The following SIPA1L2 variants were observed in gnomAD, a reference collection of about 807,000 sequenced individuals.
SIPA1L2 encodes signal-induced proliferation-associated 1-like protein 2.
SIPA1L2 carries 56 observed loss-of-function variants against 163.9 expected under a neutral mutation model. The ratio of observed to expected loss-of-function variants is 0.34; its 90% CI spans 0.28 to 0.43. The LOEUF is 0.43. Ranked by LOEUF, SIPA1L2 falls within the 20% of genes least tolerant of loss-of-function variation. The probability of loss-of-function intolerance (pLI) is 1.00; values close to 1 mark genes in which losing one functional copy is unlikely to be tolerated. For synonymous variants in SIPA1L2, 877 were observed against 865.7 expected, an observed-to-expected ratio of 1.01 and a Z score of -0.23; for missense variants, 1,974 against 2,193.5, an observed-to-expected ratio of 0.90 and a Z score of 2.00.
At chr1:232,524,824 A>G (rs2103068170) in intron 2 of SIPA1L2, among the ~76,000 whole-genome samples, 1 of 152,282 alleles carries the variant, frequency 6.6e-6, no homozygotes, top group Admixed American at 6.5e-5. Context: ...CCCCCATATT[A>G]TGATAGTGGT....
At chr1:232,549,627 A>G (rs190341588) in intron 2 of SIPA1L2, among the ~76,000 whole-genome samples, 40 of 152,310 alleles carry the variant, frequency 2.6e-4, no homozygotes, top group African/African-American at 8.2e-4. Flanking sequence ...ATGATTGTAA[A>G]TAAGTGAGGC....
At chr1:232,495,724 T>A (rs1018862958) in intron 3 of SIPA1L2, among the ~76,000 whole-genome samples, 1 of 152,140 alleles carries the variant, frequency 6.6e-6, no homozygotes, top group Admixed American at 6.5e-5. Context: ...CCAATGGTGG[T>A]CCCATGAGAT....
chr1:232,524,536 C>T (rs1368113063), intron 2 of SIPA1L2, among the ~76,000 whole-genome samples: 1 of 151,944 alleles, frequency 6.6e-6, no homozygotes, highest in African/African-American at 2.4e-5. Context: ...AAATAAGAGA[C>T]TTATAATAAG....
At chr1:232,441,531 G>T in intron 13 of SIPA1L2, 137 bp from the exon 14 acceptor site, 1 of 826,570 alleles carries the variant, frequency 1.2e-6, no homozygotes, top group Non-Finnish European at 2.0e-6. Flanking sequence ...CTTACCAATG[G>T]ATATGTCACA....
chr1:232,486,639 G>A (rs1449646962), intron 5 of SIPA1L2, among the ~76,000 whole-genome samples: 1 of 152,200 alleles, frequency 6.6e-6, no homozygotes, highest in Admixed American at 6.5e-5. Context: ...AAACTTAGGA[G>A]ACAGAAATCT....
intron 22 of SIPA1L2, among the ~76,000 whole-genome samples, chr1:232,400,208 A>C (rs1660254263): frequency 1.3e-5 from 2 of 152,070 alleles, no homozygotes; most frequent in Non-Finnish European, 2.9e-5. Flanking sequence ...ACTTCACTCT[A>C]AGAAGCAGCT....
chr1:232,596,033 T>C (rs1661240256), intron 1 of SIPA1L2, among the ~76,000 whole-genome samples: 2 of 152,202 alleles, frequency 1.3e-5, no homozygotes, highest in Admixed American at 1.3e-4. Flanking sequence ...TTCAGCCTCA[T>C]GAATGATGCC....
chr1:232,570,980 A>G (rs1659694760), intron 2 of SIPA1L2, among the ~76,000 whole-genome samples: 2 of 150,404 alleles, frequency 1.3e-5, no homozygotes, highest in African/African-American at 2.4e-5. Context: ...AAACTTAGGG[A>G]GAGACTGAGA....
chr1:232,405,760 G>A (rs746969257), intron 19 of SIPA1L2, among the ~76,000 whole-genome samples: 1 of 152,166 alleles, frequency 6.6e-6, no homozygotes, highest in Non-Finnish European at 1.5e-5. Flanking sequence ...ACTCATCCTT[G>A]TTTTATGCAA....
intron 16 of SIPA1L2, among the ~76,000 whole-genome samples, chr1:232,430,898 C>T (rs1395739475): frequency 6.6e-6 from 1 of 152,158 alleles, no homozygotes; most frequent in Non-Finnish European, 1.5e-5. Context: ...AGCGGAGACA[C>T]AATCTCAGTC....
intron 18 of SIPA1L2, among the ~76,000 whole-genome samples, chr1:232,420,691 C>G (rs1055588034): frequency 1.3e-5 from 2 of 151,866 alleles, no homozygotes; most frequent in Non-Finnish European, 2.9e-5. Flanking sequence ...AAAAATTAGC[C>G]AGGTGCGGTG....
chr1:232,600,072 G>A (rs1661513389), intron 1 of SIPA1L2, among the ~76,000 whole-genome samples: 2 of 152,216 alleles, frequency 1.3e-5, no homozygotes, highest in Admixed American at 1.3e-4. Context: ...TTTCTGGAGT[G>A]GCACCCTTGG....
At chr1:232,584,802 A>G (rs1660568940) in intron 1 of SIPA1L2, among the ~76,000 whole-genome samples, 1 of 152,242 alleles carries the variant, frequency 6.6e-6, no homozygotes, top group Non-Finnish European at 1.5e-5. Context: ...TAGGTCAACC[A>G]GACAGAAGAA....
At chr1:232,421,457 C>G (rs1043144466) in intron 18 of SIPA1L2, among the ~76,000 whole-genome samples, 4 of 152,114 alleles carry the variant, frequency 2.6e-5, no homozygotes, top group Non-Finnish European at 5.9e-5. Context: ...TCCTGGTGGT[C>G]AGATATCTGA....
chr1:232,411,545 T>A (rs960436828), intron 19 of SIPA1L2, among the ~76,000 whole-genome samples: 7 of 152,216 alleles, frequency 4.6e-5, no homozygotes, highest in African/African-American at 1.7e-4. Context: ...AAACTCAGGT[T>A]GTTAGTTTTA....
chr1:232,567,152 A>G (rs1237743344), intron 2 of SIPA1L2, among the ~76,000 whole-genome samples: 1 of 152,216 alleles, frequency 6.6e-6, no homozygotes, highest in Admixed American at 6.5e-5. Context: ...TAGGCAAATC[A>G]CAAAGCCTCC....
chr1:232,435,286 T>TA (rs2102843580), intron 15 of SIPA1L2, among the ~76,000 whole-genome samples: 1 of 152,364 alleles, frequency 6.6e-6, no homozygotes, highest in Admixed American at 6.5e-5. Flanking sequence ...TAACATTTTC[T>TA]AAAAATTAGA....
chr1:232,572,708 T>C lies in SIPA1L2; in HGVS notation c.-270+1466A>G, dbSNP rs112431006. Among the ~76,000 whole-genome samples, 307 of 71,920 alleles carry C rather than the reference T, an allele frequency of 4.3e-3. 7 individuals carry two copies. The highest frequency in any genetic ancestry group is 9.4e-3 in the African/African-American group (178 of 18,930). The allele number at this position is 71,920 out of a possible 152,430, so 47.2% of individuals were successfully genotyped here. ...ACATATACATACATATATATATATA[T>C]ATATATATACACACATATATACATA... On this transcript the variant is annotated intron_variant, in intron 2 of 22. Coordinates refer to ENST00000674635, the MANE Select transcript of SIPA1L2 (RefSeq NM_020808.5).
chr1:232,613,605 C>T (rs1662361358), intron 1 of SIPA1L2, among the ~76,000 whole-genome samples: 1 of 152,196 alleles, frequency 6.6e-6, no homozygotes, highest in African/African-American at 2.4e-5. Flanking sequence ...GGATTAAAAG[C>T]TGTGAACAAA....
Sources: allele counts gnomAD v4.1 joint callset (sites outside exome capture counted in the v4.1 genomes callset), GRCh38; gene constraint gnomAD v4.1.1; transcripts MANE v1.5; gene names NCBI Gene and HGNC (gene_info 2026-07-23, HGNC 2026-07-21).